HCN1: variants seen among roughly 807,000 people sequenced by gnomAD.
HCN1 encodes hyperpolarization activated cyclic nucleotide gated potassium channel 1.
HCN1 carries 13 observed loss-of-function variants against 78.9 expected under a neutral mutation model. The observed-to-expected ratio is 0.16, with a 90% CI of 0.11 to 0.26. The LOEUF is 0.26. HCN1 is among the 10% of genes least tolerant of loss of function. The pLI, the probability that HCN1 is intolerant of heterozygous loss-of-function variation, is 1.00. For missense variants in HCN1, 810 were observed against 1,154.3 expected, an observed-to-expected ratio of 0.70 and a Z score of 4.32; for synonymous variants, 552 against 455.5, an observed-to-expected ratio of 1.21 and a Z score of -2.70.
intron 3 of HCN1, among the ~76,000 whole-genome samples, chr5:45,452,373 A>G (rs1740938109): frequency 7.0e-6 from 1 of 143,230 alleles, no homozygotes; most frequent in African/African-American, 2.6e-5. Flanking sequence ...CAGGTTTGCT[A>G]TACAGGAAAA....
At chr5:45,475,111 A>G (rs1158339246) in intron 2 of HCN1, among the ~76,000 whole-genome samples, 1 of 151,980 alleles carries the variant, frequency 6.6e-6, no homozygotes, top group African/African-American at 2.4e-5. Flanking sequence ...TCAATAATGT[A>G]ATAGTGAACT....
intron 5 of HCN1, among the ~76,000 whole-genome samples, chr5:45,337,529 G>A (rs1262704684): frequency 2.6e-5 from 4 of 152,122 alleles, no homozygotes. Flanking sequence ...GATTTGCCAA[G>A]TAGGTAATCC....
intron 6 of HCN1, among the ~76,000 whole-genome samples, chr5:45,275,507 A>G (rs974430281): frequency 6.6e-6 from 1 of 152,162 alleles, no homozygotes. Context: ...TAAGGTTTAC[A>G]CTTTCTACTC....
At chr5:45,510,378 T>C (rs1391828933) in intron 2 of HCN1, among the ~76,000 whole-genome samples, 1 of 152,134 alleles carries the variant, frequency 6.6e-6, no homozygotes, top group Non-Finnish European at 1.5e-5. Flanking sequence ...TTCTATTATA[T>C]GACTAGAGTA....
chr5:45,461,623 G>A (rs771368653), intron 3 of HCN1, among the ~76,000 whole-genome samples: 1 of 152,008 alleles, frequency 6.6e-6, no homozygotes, highest in Non-Finnish European at 1.5e-5. Context: ...ATATATAAAA[G>A]TAGATGTTGT....
At chr5:45,462,155 ATTTC>A (rs962640584) in intron 2 of HCN1, 148 bp from the exon 3 acceptor site, 3 of 674,638 alleles carry the variant, frequency 4.4e-6, no homozygotes, top group African/African-American at 1.8e-5. Flanking sequence ...AACAGATTAC[ATTTC>A]TTTATTTTTA....
At chr5:45,315,630 GT>G (rs1428313592) in intron 5 of HCN1, among the ~76,000 whole-genome samples, 1 of 151,994 alleles carries the variant, frequency 6.6e-6, no homozygotes, top group African/African-American at 2.4e-5. Flanking sequence ...CCAGGAGCTG[GT>G]TTTTGAAAAG....
intron 5 of HCN1, among the ~76,000 whole-genome samples, chr5:45,350,832 C>G (rs1275043054): frequency 6.6e-6 from 1 of 152,092 alleles, no homozygotes; most frequent in Non-Finnish European, 1.5e-5. Context: ...CGTGAAGGAC[C>G]TCTTCAAGGA....
At chr5:45,539,722 ATATT>A (rs955930970) in intron 2 of HCN1, among the ~76,000 whole-genome samples, 25 of 148,228 alleles carry the variant, frequency 1.7e-4, no homozygotes, top group Admixed American at 2.7e-4. Context: ...TTTTAATAAA[ATATT>A]TAATATTATT....
chr5:45,504,172 A>G lies in HCN1; in HGVS notation c.850-42165T>C, dbSNP rs567760606. On this transcript the variant is annotated intron_variant, in intron 2 of 7. Coordinates refer to ENST00000303230, the MANE Select transcript of HCN1 (RefSeq NM_021072.4). ...ATGTGCAGGTTTGTTACATATGTAT[A>G]CATGTGCCATGTTGGTGTGCTGCAT... 1.1e-4 allele frequency among the ~76,000 whole-genome samples: 17 copies of G among 152,208 alleles called. No individual in the cohort carries two copies. In the South Asian group the frequency reaches 3.3e-3, roughly 30 times the overall value.
intron 4 of HCN1, among the ~76,000 whole-genome samples, chr5:45,371,977 A>G (rs1747380640): frequency 2.7e-5 from 1 of 36,492 alleles, no homozygotes; most frequent in Non-Finnish European, 4.5e-5. Context: ...TATATTATGT[A>G]TATTATATAT....
chr5:45,445,374 G>T (rs1740768960), intron 3 of HCN1, among the ~76,000 whole-genome samples: 1 of 152,184 alleles, frequency 6.6e-6, no homozygotes, highest in Non-Finnish European at 1.5e-5. Context: ...GGTCAACAAA[G>T]CAGCCCCCAG....
rs549337890 is a variant in HCN1, at chr5:45,326,357, A to C, written c.1378-22518T>G. Among the ~76,000 whole-genome samples the C allele has an allele frequency of 4.0e-5, 6 of 151,794 alleles. No homozygotes were observed. In the South Asian group the frequency reaches 1.2e-3, roughly 31 times the overall value. ...CTTAACGTAGTTGTAACCATAATGT[A>C]TATTCAATATTTGTTTCCTTTTTCT... On this transcript the variant is annotated intron_variant, in intron 5 of 7. Coordinates refer to ENST00000303230, the MANE Select transcript of HCN1 (RefSeq NM_021072.4).
At chr5:45,687,021 A>G (rs1739822423) in intron 1 of HCN1, among the ~76,000 whole-genome samples, 1 of 152,152 alleles carries the variant, frequency 6.6e-6, no homozygotes, top group African/African-American at 2.4e-5. Context: ...TAATTTCTGA[A>G]TATCTTTATT....
chr5:45,538,138 G>T, intron 2 of HCN1, among the ~76,000 whole-genome samples: 1 of 151,928 alleles, frequency 6.6e-6, no homozygotes, highest in Admixed American at 6.6e-5. Flanking sequence ...AATTCTAGGT[G>T]AGCTTTCAAA....
At chr5:45,425,563 AAGATTT>A (rs1295492789) in intron 3 of HCN1, among the ~76,000 whole-genome samples, 2 of 152,226 alleles carry the variant, frequency 1.3e-5, no homozygotes, top group African/African-American at 4.8e-5. Context: ...AGGAGAAATA[AAGATTT>A]AGAGGAGAAA....
chr5:45,545,060 C>T (rs1249454164), intron 2 of HCN1, among the ~76,000 whole-genome samples: 1 of 152,110 alleles, frequency 6.6e-6, no homozygotes, highest in African/African-American at 2.4e-5. Flanking sequence ...TTTACAGTCC[C>T]ACCAACAGTG....
intron 2 of HCN1, among the ~76,000 whole-genome samples, chr5:45,503,242 T>C (rs1393457292): frequency 6.6e-6 from 1 of 152,102 alleles, no homozygotes; most frequent in Non-Finnish European, 1.5e-5. Flanking sequence ...TATGATATAG[T>C]CTTGCCAAAA....
chr5:45,580,821 G>A (rs941410940), intron 2 of HCN1, among the ~76,000 whole-genome samples: 15 of 152,132 alleles, frequency 9.9e-5, no homozygotes, highest in African/African-American at 3.6e-4. Context: ...AGTTTGCTGA[G>A]AATGATGGCT....
Sources: allele counts gnomAD v4.1 joint callset (sites outside exome capture counted in the v4.1 genomes callset), GRCh38; gene constraint gnomAD v4.1.1; transcripts MANE v1.5; gene names NCBI Gene and HGNC (gene_info 2026-07-23, HGNC 2026-07-21).